LGSN: variants seen among roughly 807,000 people sequenced by gnomAD.
The protein encoded by LGSN is lengsin.
Under a neutral mutation model 19.5 loss-of-function variants are expected in LGSN, and 21 were observed. The observed-to-expected ratio is 1.07, with a 90% confidence interval of 0.76 to 1.55. LGSN has a LOEUF of 1.55. Among genes scored for constraint, LGSN ranks in the 40% most tolerant of loss-of-function variants. The pLI, the probability that LGSN is intolerant of heterozygous loss-of-function variation, is 0.00. For synonymous variants in LGSN, 257 were observed against 215.6 expected (o/e 1.19, Z -1.68); for missense variants, 673 against 608.5 (o/e 1.11, Z -1.12).
At chr6:63,287,474 G>C (rs1441359363) in intron 2 of LGSN, among the ~76,000 whole-genome samples, 1 of 152,016 alleles carries the variant, frequency 6.6e-6, no homozygotes, top group Non-Finnish European at 1.5e-5. Context: ...ATCACTTGGG[G>C]CCAGGAGTTC....
intron 2 of LGSN, among the ~76,000 whole-genome samples, chr6:63,289,084 G>T (rs767873034): frequency 1.3e-5 from 2 of 152,246 alleles, no homozygotes; most frequent in Middle Eastern, 3.4e-3. Context: ...CTCCTTGAGC[G>T]CCAAGGCTTA....
At chr6:63,568,231 C>CT in the LGSN span, among the ~76,000 whole-genome samples, 1 of 152,186 alleles carries the variant, frequency 6.6e-6, no homozygotes, top group African/African-American at 2.4e-5. Context: ...CCTATCTCTG[C>CT]TTTCAACTTG....
chr6:63,442,282 TAAG>T, the LGSN span, among the ~76,000 whole-genome samples: 3 of 152,154 alleles, frequency 2.0e-5, no homozygotes, highest in African/African-American at 7.2e-5. Context: ...TGAGCAGCAG[TAAG>T]ATTTATTGCA....
the LGSN span, among the ~76,000 whole-genome samples, chr6:63,511,662 C>T: frequency 1.3e-5 from 2 of 152,044 alleles, no homozygotes; most frequent in African/African-American, 2.4e-5. Flanking sequence ...ATTATAGACC[C>T]CCAAATCTAA....
the LGSN span, among the ~76,000 whole-genome samples, chr6:63,559,183 T>G: frequency 2.6e-5 from 4 of 152,162 alleles, no homozygotes; most frequent in African/African-American, 9.7e-5. Flanking sequence ...ACAAATAACA[T>G]GCTAATGAGG....
chr6:63,472,947 A>G, the LGSN span, among the ~76,000 whole-genome samples: 1 of 151,872 alleles, frequency 6.6e-6, no homozygotes, highest in South Asian at 2.1e-4. Context: ...TCTCAAAAAA[A>G]TAAAATAAAA....
At chr6:63,415,958 T>G in the LGSN span, among the ~76,000 whole-genome samples, 1 of 152,164 alleles carries the variant, frequency 6.6e-6, no homozygotes, top group East Asian at 1.9e-4. Flanking sequence ...CATTCATTGA[T>G]CTAATAGATT....
At chr6:63,548,504 C>A in the LGSN span, among the ~76,000 whole-genome samples, 1 of 152,198 alleles carries the variant, frequency 6.6e-6, no homozygotes, top group Non-Finnish European at 1.5e-5. Flanking sequence ...ATCGTAGCAG[C>A]CTGTGAGCTA....
chr6:63,345,969 T>C, the LGSN span, among the ~76,000 whole-genome samples: 1 of 152,250 alleles, frequency 6.6e-6, no homozygotes, highest in East Asian at 1.9e-4. Flanking sequence ...GATGCATTTG[T>C]TGAATTTACA....
the LGSN span, among the ~76,000 whole-genome samples, chr6:63,478,888 T>C: frequency 6.6e-6 from 1 of 152,202 alleles, no homozygotes; most frequent in African/African-American, 2.4e-5. Flanking sequence ...CCTTCTACAG[T>C]GTCAGCTTAT....
the LGSN span, among the ~76,000 whole-genome samples, chr6:63,501,793 T>C: frequency 6.6e-6 from 1 of 152,192 alleles, no homozygotes; most frequent in South Asian, 2.1e-4. Context: ...AGAACATTAC[T>C]GTAAATGTTC....
chr6:63,426,537 C>A, the LGSN span, among the ~76,000 whole-genome samples: 1 of 148,324 alleles, frequency 6.7e-6, no homozygotes, highest in Non-Finnish European at 1.5e-5. Flanking sequence ...ATTTTTGAGA[C>A]AGAGTCTCGC....
upstream of LGSN, among the ~76,000 whole-genome samples, chr6:63,320,383 C>A (rs958641358): frequency 1.3e-5 from 2 of 152,152 alleles, no homozygotes; most frequent in Non-Finnish European, 2.9e-5. Flanking sequence ...CTATAAGTGA[C>A]CCAGATTTTT....
chr6:63,547,498 ATTTTTTTT>A, the LGSN span, among the ~76,000 whole-genome samples: 1 of 90,790 alleles, frequency 1.1e-5, no homozygotes, highest in African/African-American at 4.2e-5. Flanking sequence ...CCAGGGGGGA[ATTTTTTTT>A]TTTTTTTTTT....
chr6:63,334,759 G>C, the LGSN span, among the ~76,000 whole-genome samples: 2 of 152,048 alleles, frequency 1.3e-5, no homozygotes, highest in Admixed American at 6.6e-5. Context: ...TATAAAAATA[G>C]ACCCATAGAC....
the LGSN span, among the ~76,000 whole-genome samples, chr6:63,528,560 A>C: frequency 1.3e-5 from 2 of 151,826 alleles, no homozygotes; most frequent in Non-Finnish European, 2.9e-5. Flanking sequence ...CCTCATCTCT[A>C]CAAAAAATAT....
chr6:63,352,704 CAG>C, the LGSN span, among the ~76,000 whole-genome samples: 7 of 151,082 alleles, frequency 4.6e-5, no homozygotes, highest in African/African-American at 1.7e-4. Flanking sequence ...CACACACACA[CAG>C]ACACACAGTT....
chr6:63,334,931 G>A, the LGSN span, among the ~76,000 whole-genome samples: 1 of 151,954 alleles, frequency 6.6e-6, no homozygotes. Context: ...AAGGTCAGGG[G>A]TTGAAGACCA....
chr6:63,527,820 G>A, the LGSN span: 6 of 152,320 alleles, frequency 3.9e-5, no homozygotes, highest in South Asian at 1.2e-3. Context: ...CCTCTGCAGA[G>A]ACTTGCTTCA....
Sources: allele counts gnomAD v4.1 joint callset (sites outside exome capture counted in the v4.1 genomes callset), GRCh38; gene constraint gnomAD v4.1.1; transcripts MANE v1.5; gene names NCBI Gene and HGNC (gene_info 2026-07-23, HGNC 2026-07-21).